Variants in NRSN2 observed in about 807,000 individuals in gnomAD.
NRSN2 encodes the protein neurensin 2, also known as neurensin-2.
A neutral mutation model predicts 11.1 loss-of-function variants in NRSN2; 10 were observed. The observed-to-expected ratio is 0.90, with a 90% confidence interval of 0.56 to 1.53. The LOEUF is 1.53. NRSN2 is among the 40% of genes most tolerant of loss of function. The pLI, the probability that NRSN2 is intolerant of heterozygous loss-of-function variation, is 0.00. For missense variants in NRSN2, 260 were observed against 273.7 expected (o/e 0.95, Z 0.35); for synonymous variants, 100 against 117.0 (o/e 0.86, Z 0.94).
At position 347,940 on chromosome 20, in the gene NRSN2, A is replaced by C. The variant is rs906606951; in HGVS notation, c.-122+428A>C. Reference sequence around the variant, plus strand: ...CGTGCAGCCCTGAAACGCCAGGCGGAGGGGCCAGGCCGAGCGGGAGGCAGC... The same window carrying C: ...CGTGCAGCCCTGAAACGCCAGGCGGCGGGGCCAGGCCGAGCGGGAGGCAGC... On this transcript the variant is annotated intron_variant, in intron 2 of 4. Coordinates refer to ENST00000382285, the MANE Select transcript of NRSN2 (RefSeq NM_001323682.2). This position sits in a 1 kb window ranked among gnomAD's most constrained non-coding sequence, Gnocchi z 7.0. Among the ~76,000 whole-genome samples, 1 of 151,318 alleles carries C rather than the reference A, an allele frequency of 6.6e-6. No individual in the cohort carries two copies. The highest frequency in any genetic ancestry group is 6.6e-5 in the Admixed American group (1 of 15,222).
At position 354,180 on chromosome 20, in the gene NRSN2, C is replaced by T. The variant is rs1266162216; in HGVS notation, c.*545C>T. ...CATTTTGGCATCAGAGCCCCCCAGC[C>T]CACCCACCACAGGCAATTACTAGCC... On this transcript the variant is annotated 3_prime_UTR_variant, in exon 5 of 5. Transcript: ENST00000382285. 6.5e-6 allele frequency: 1 copy of T among 153,312 alleles called. No homozygotes were observed. The highest frequency in any genetic ancestry group is 1.5e-5 in the Non-Finnish European group (1 of 68,826). 9.5% of individuals were successfully genotyped at this position (153,312 alleles called of 1,614,324 possible).
At chr20:349,511 C>T (rs545285725) in intron 3 of NRSN2, 127 bp from the exon 4 acceptor site, 17 of 682,278 alleles carry the variant, frequency 2.5e-5, no homozygotes, top group Middle Eastern at 4.1e-4. Context: ...CTGTGCTATG[C>T]GTGTAGGGTG....
In NRSN2 at chr20:347,178, C is replaced by T. The variant is rs1054028961; in HGVS notation, c.-201+36C>T. On this transcript the variant is annotated intron_variant, in intron 1 of 4. Coordinates refer to ENST00000382285, the MANE Select transcript of NRSN2 (RefSeq NM_001323682.2). This position sits in a 1 kb window ranked among gnomAD's most constrained non-coding sequence, Gnocchi z 7.0. ...CCCTGCCCCACGCGCGGCCAGGCCC[C>T]AGCCCCAGCCCCTGGAGAACCCCCG... The T allele has an allele frequency of 2.0e-5, 3 of 152,642 alleles. No individual in the cohort carries two copies. Among genetic ancestry groups the T allele is most frequent in the South Asian group, 2.1e-4 (1 of 4,832 alleles). The allele number at this position is 152,642 out of a possible 1,614,324, so 9.5% of individuals were successfully genotyped here.
chr20:349,733 C>T lies in NRSN2; in HGVS notation c.90C>T (p.His30=), dbSNP rs1217279678. 8 of 1,613,430 alleles carry T rather than the reference C, an allele frequency of 5.0e-6. No homozygotes were observed. The African/African-American group carries it at 8.0e-5, about 16-fold the overall frequency. ...GKWYGVRSYL[H]LFYEDCAGTA... Reference sequence around the variant, plus strand: ...GGTATGGGGTCCGCTCCTACCTGCACCTCTTCTATGAGGACTGTGCAGGCA... The same window carrying T: ...GGTATGGGGTCCGCTCCTACCTGCATCTCTTCTATGAGGACTGTGCAGGCA... The change falls in exon 4 of 5, where the codon CAC becomes CAT. Residue 30 remains histidine, a synonymous_variant. Transcript: ENST00000382285.
At chr20:350,345 G>A (rs2013833252) in intron 4 of NRSN2, among the ~76,000 whole-genome samples, 1 of 152,008 alleles carries the variant, frequency 6.6e-6, no homozygotes, top group South Asian at 2.1e-4. Context: ...TGGGTGTGGT[G>A]GCGGGCGCCT....
chr20:350,664 A>G lies in NRSN2; in HGVS notation c.189+832A>G, dbSNP rs901079849. Among the ~76,000 whole-genome samples, 76 of 120,682 alleles carry G rather than the reference A, an allele frequency of 6.3e-4. 1 individual carries two copies. The highest frequency in any genetic ancestry group is 5.6e-3 in the South Asian group (24 of 4,284). The allele number at this position is 120,682 out of a possible 152,430, so 79.2% of individuals were successfully genotyped here. On this transcript the variant is annotated intron_variant, in intron 4 of 4. Coordinates refer to ENST00000382285, the MANE Select transcript of NRSN2 (RefSeq NM_001323682.2). ...TCTGTCTCAAAAAAAAAAAAAAAAA[A>G]AAAAAAAAAAAAGAAAAAAGAAGGG...
At chr20:352,262 C>T (rs2014028903) in intron 4 of NRSN2, among the ~76,000 whole-genome samples, 1 of 152,110 alleles carries the variant, frequency 6.6e-6, no homozygotes, top group Admixed American at 6.5e-5. Flanking sequence ...GTAGAGGTGG[C>T]AATGAGCTGA....
At position 354,814 on chromosome 20, in the gene NRSN2, C is replaced by T. The variant is rs1227075902; in HGVS notation, c.*1179C>T. 1 of 152,268 alleles carries T rather than the reference C, an allele frequency of 6.6e-6. No homozygotes were observed. Among genetic ancestry groups the T allele is most frequent in the Admixed American group, 6.5e-5 (1 of 15,284 alleles). 9.4% of individuals were successfully genotyped at this position (152,268 alleles called of 1,614,324 possible). ...TTGTGCCTCACGCCCCCTCCTCATC[C>T]TGCACCCCTTCCATCCCACCTTCCC... On this transcript the variant is annotated 3_prime_UTR_variant, in exon 5 of 5. Transcript: ENST00000382285.
chr20:350,212 C>T (rs995456566), intron 4 of NRSN2, among the ~76,000 whole-genome samples: 11 of 151,692 alleles, frequency 7.3e-5, no homozygotes, highest in African/African-American at 2.2e-4. Flanking sequence ...CGGTAGTTCA[C>T]GCCTGTAATC....
chr20:350,118 TC>T (rs936294525), intron 4 of NRSN2, among the ~76,000 whole-genome samples: 7 of 151,970 alleles, frequency 4.6e-5, no homozygotes, highest in African/African-American at 1.7e-4. Flanking sequence ...GGTGGGCAGA[TC>T]ACCTGAGGTC....
In NRSN2 at chr20:353,689, T is replaced by C. The variant is rs548191175; in HGVS notation, c.*54T>C. The C allele has an allele frequency of 6.5e-6, 10 of 1,540,374 alleles. No individual in the cohort carries two copies. In the African/African-American group the frequency reaches 1.2e-4, roughly 19 times the overall value. On this transcript the variant is annotated 3_prime_UTR_variant, in exon 5 of 5. Coordinates refer to ENST00000382285, the MANE Select transcript of NRSN2 (RefSeq NM_001323682.2). Reference sequence around the variant, plus strand: ...CTGGATCCTTCCCCCCTTCTCACCATAACCCCCTCTCAGTGTTTCCCCAAC... The same window carrying C: ...CTGGATCCTTCCCCCCTTCTCACCACAACCCCCTCTCAGTGTTTCCCCAAC...
At chr20:348,821 T>C (rs2013688015) in intron 2 of NRSN2, among the ~76,000 whole-genome samples, 1 of 151,782 alleles carries the variant, frequency 6.6e-6, no homozygotes. Context: ...TACAAGTACC[T>C]TCCATTCCCA....
chr20:349,841 A>G lies in NRSN2; in HGVS notation c.189+9A>G, dbSNP rs2122534170. On this transcript the variant is annotated intron_variant, in intron 4 of 4. Coordinates refer to ENST00000382285, the MANE Select transcript of NRSN2 (RefSeq NM_001323682.2). ...CCTCACTGTGTTGGAAGGTAAGGCC[A>G]GATGAGCACCTCCCATGATTCCTCT... is the stretch of plus-strand genomic sequence containing the variant. 2 of 1,607,176 alleles carry G rather than the reference A, an allele frequency of 1.2e-6. No homozygotes were observed. Among genetic ancestry groups the G allele is most frequent in the South Asian group, 2.2e-5 (2 of 90,652 alleles).
rs2014142880 is a variant in NRSN2 at position 353,369 on chromosome 20, C to T, written c.349C>T (p.Leu117=). 1 of 1,613,914 alleles carries T rather than the reference C, an allele frequency of 6.2e-7. No homozygotes were observed. The highest frequency in any genetic ancestry group is 8.5e-7 in the Non-Finnish European group (1 of 1,180,044). The change falls in exon 5 of 5, where the codon CTG becomes TTG. Residue 117 remains leucine, a synonymous_variant. Coordinates refer to ENST00000382285, the MANE Select transcript of NRSN2 (RefSeq NM_001323682.2). The part of the protein sequence containing the change: ...DYNQALGTCR[L]AGTALCVAAG... ...CAACCAGGCCCTGGGCACCTGTCGC[C>T]TGGCAGGCACAGCGCTCTGTGTGGC...
At position 353,495 on chromosome 20, in the gene NRSN2, G is replaced by A. The variant is rs534543510; in HGVS notation, c.475G>A (p.Val159Met). The change falls in exon 5 of 5, where the codon GTG becomes ATG. Residue 159 changes from valine to methionine, a missense_variant. Coordinates refer to ENST00000382285, the MANE Select transcript of NRSN2 (RefSeq NM_001323682.2). The part of the protein sequence containing the change: ...EPLDPEADSH[V>M]EVFGDEPEQQ... ...CTTGGACCCCGAAGCCGACAGCCAC[G>A]TGGAGGTCTTCGGGGATGAGCCAGA... The A allele has an allele frequency of 3.7e-5, 59 of 1,614,196 alleles. No homozygotes were observed. The highest frequency in any genetic ancestry group is 3.5e-4 in the African/African-American group (26 of 75,050).
At chr20:351,535 A>G (rs1247816155) in intron 4 of NRSN2, among the ~76,000 whole-genome samples, 1 of 152,232 alleles carries the variant, frequency 6.6e-6, no homozygotes, top group Non-Finnish European at 1.5e-5. Flanking sequence ...CTCTGTCAAG[A>G]AAAGAAAAGA....
Position 347,767 on chromosome 20 carries a change from A to T in NRSN2, c.-122+255A>T, listed in dbSNP as rs943281897. On this transcript the variant is annotated intron_variant, in intron 2 of 4. Coordinates refer to ENST00000382285, the MANE Select transcript of NRSN2 (RefSeq NM_001323682.2). The surrounding 1 kb of genome is among the most constrained non-coding windows in gnomAD (Gnocchi z 7.0). ...CTCCTCCCTCCGCCGCAGTCTCCCCACGTCGGACAGCGCAGCCCCCTCCGC... is the reference window on the plus strand; with the variant it reads ...CTCCTCCCTCCGCCGCAGTCTCCCCTCGTCGGACAGCGCAGCCCCCTCCGC... Among the ~76,000 whole-genome samples, 1 of 151,318 alleles carries T rather than the reference A, an allele frequency of 6.6e-6. No homozygotes were observed. Among genetic ancestry groups the T allele is most frequent in the Non-Finnish European group, 1.5e-5 (1 of 67,762 alleles).
At chr20:349,858 G>A (rs765012431) in intron 4 of NRSN2, 26 bp downstream of exon 4, 2 of 1,597,208 alleles carry the variant, frequency 1.3e-6, no homozygotes, top group Non-Finnish European at 8.6e-7. Flanking sequence ...CACCTCCCAT[G>A]ATTCCTCTGC....
In NRSN2 at chr20:353,234, C is replaced by A; in HGVS notation, c.214C>A (p.Leu72Ile). 6.2e-7 allele frequency: 1 copy of A among 1,614,038 alleles called. No homozygotes were observed. Among genetic ancestry groups the A allele is most frequent in the Non-Finnish European group, 8.5e-7 (1 of 1,180,004 alleles). The stretch of plus-strand genomic sequence containing the variant: ...GATCAGCCTGTCCTCGGGGACCCTG[C>A]TTCTGCTGCTGGGTGTGGCGGCTCT... ...WKISLSSGTL[L>I]LLLGVAALTT... The change falls in exon 5 of 5, where the codon CTT (leucine) becomes ATT (isoleucine). Residue 72 changes from leucine to isoleucine, a missense_variant. Physicochemically the swap from Leu to Ile is conservative, Grantham distance 5 (BLOSUM62 2). Transcript: ENST00000382285.
Sources: gnomAD v4.1 joint callset for allele counts (sites outside exome capture counted in the v4.1 genomes callset) on GRCh38, gnomAD v4.1.1 for gene constraint, Gnocchi (gnomAD v3.1) non-coding constraint, MANE v1.5 for transcripts, NCBI Gene and HGNC (gene_info 2026-07-23, HGNC 2026-07-21) for gene names.